Variants in GATD1 observed in about 807,000 individuals in gnomAD.
The protein encoded by GATD1 is glutamine amidotransferase-like class 1 domain-containing protein 1.
Under a neutral mutation model 25.9 loss-of-function variants are expected in GATD1, and 23 were observed. The observed-to-expected ratio is 0.89, with a 90% CI of 0.64 to 1.26. The LOEUF (loss-of-function observed/expected upper bound fraction) is 1.26, where lower values mean the gene tolerates loss of function less well. Among genes scored for constraint, GATD1 ranks in the 50% most tolerant of loss-of-function variants. The pLI is 0.00. For synonymous variants in GATD1, 177 were observed against 134.6 expected (o/e 1.31, Z -2.18); for missense variants, 347 against 312.5 (o/e 1.11, Z -0.83).
chr11:771,034 A>T lies in GATD1; in HGVS notation c.615T>A (p.Thr205=), dbSNP rs7930569. The change falls in exon 7 of 8, where the codon ACT becomes ACA. Residue 205 remains threonine (T), a synonymous_variant. Transcript: ENST00000319863. ...AGAGCAGGTTCTGCACGGCCGGGACAGTGGAGCTGGCATTCTGGCCTGTGA... is the reference window on the plus strand; with the variant it reads ...AGAGCAGGTTCTGCACGGCCGGGACTGTGGAGCTGGCATTCTGGCCTGTGA... ...HLVTGQNASS[T]VPAVQNLLFL... The T allele has an allele frequency of 1.2e-6, 2 of 1,612,048 alleles. No homozygotes were observed. The highest frequency in any genetic ancestry group is 4.5e-5 in the East Asian group (2 of 44,828).
At position 775,189 on chromosome 11, in the gene GATD1, C is replaced by T. The variant is rs773953245; in HGVS notation, c.65-47G>A. The T allele has an allele frequency of 8.1e-5, 123 of 1,521,226 alleles. 1 individual carries two copies. The Admixed American group carries it at 2.3e-3, about 29-fold the overall frequency. 94.2% of individuals were successfully genotyped at this position (1,521,226 alleles called of 1,614,324 possible). ...GTGGGCTCGACAGGACTAGCGTGCC[C>T]CGCCTCAGGGGGCTACCCAGACACC... is the stretch of plus-strand genomic sequence containing the variant. On this transcript the variant is annotated intron_variant, in intron 1 of 7. Transcript: ENST00000319863.
rs2133607855 is a variant in GATD1 at position 770,329 on chromosome 11, G to A, written c.*568C>T. 3.9e-6 allele frequency: 6 copies of A among 1,534,204 alleles called. No homozygotes were observed. The highest frequency in any genetic ancestry group is 2.4e-5 in the South Asian group (2 of 83,930). On this transcript the variant is annotated 3_prime_UTR_variant, in exon 8 of 8. Transcript: ENST00000319863. ...AGGTGCTTACACTTTGAAACCACAC[G>A]CCAGGAAGATTTCTTCAACAGGAAA...
chr11:770,539 C>T lies in GATD1; in HGVS notation c.*358G>A. ...GCAGGGCAAACCCACACAGAGGACC[C>T]CCGAGCCGACTCTGTCTAGTCAACA... On this transcript the variant is annotated 3_prime_UTR_variant, in exon 8 of 8. Coordinates refer to ENST00000319863, the MANE Select transcript of GATD1 (RefSeq NM_182612.4). 2 of 1,413,472 alleles carry T rather than the reference C, an allele frequency of 1.4e-6. No individual in the cohort carries two copies. The highest frequency in any genetic ancestry group is 1.8e-6 in the Non-Finnish European group (2 of 1,085,922). 87.6% of individuals were successfully genotyped at this position (1,413,472 alleles called of 1,614,324 possible).
chr11:772,674 T>C (rs1396361540), intron 4 of GATD1, 153 bp from the exon 5 acceptor site: 3 of 651,542 alleles, frequency 4.6e-6, no homozygotes, highest in Non-Finnish European at 8.2e-6. Flanking sequence ...AGCACCCGGG[T>C]GTCCTGGCTC....
chr11:777,363 G>A, intron 1 of GATD1, 36 bp downstream of exon 1: 2 of 1,271,720 alleles, frequency 1.6e-6, no homozygotes, highest in South Asian at 2.3e-5. Flanking sequence ...CCTCGCGGAC[G>A]CTCTTCGGAC....
In GATD1 at chr11:771,058, G is replaced by A. The variant is rs1863387237; in HGVS notation, c.591C>T (p.Val197=). Residue 197 remains valine, a synonymous_variant, in exon 7 of 8, where the codon GTC becomes GTT. Coordinates refer to ENST00000319863, the MANE Select transcript of GATD1 (RefSeq NM_182612.4). The part of the protein sequence containing the change: ...AVHVVLDRHL[V]TGQNASSTVP... ...CAGTGGAGCTGGCATTCTGGCCTGT[G>A]ACCAGGTGGCGGTCCAGCACGACGT... 1 of 1,612,042 alleles carries A rather than the reference G, an allele frequency of 6.2e-7. No homozygotes were observed. The highest frequency in any genetic ancestry group is 1.3e-5 in the African/African-American group (1 of 75,050).
At chr11:776,006 C>T (rs1163812517) in intron 1 of GATD1, among the ~76,000 whole-genome samples, 39 of 34,832 alleles carry the variant, frequency 1.1e-3, no homozygotes, top group African/African-American at 3.0e-3. Flanking sequence ...TTTTTTGAGA[C>T]GGAGTCTCGG....
At position 770,154 on chromosome 11, in the gene GATD1, G is replaced by A. The variant is rs1481134135; in HGVS notation, c.*743C>T. On this transcript the variant is annotated 3_prime_UTR_variant, in exon 8 of 8. Coordinates refer to ENST00000319863, the MANE Select transcript of GATD1 (RefSeq NM_182612.4). ...ACAGCCCAGGCCAGGTGCCCAGCAG[G>A]CTGGACCACTGTCTGCTCTTGATAG... The A allele has an allele frequency of 7.9e-7, 1 of 1,258,930 alleles. No individual in the cohort carries two copies. Among genetic ancestry groups the A allele is most frequent in the Non-Finnish European group, 1.0e-6 (1 of 1,000,902 alleles). The allele number at this position is 1,258,930 out of a possible 1,614,324, so 78.0% of individuals were successfully genotyped here.
rs1374663992 is a variant in GATD1 at position 770,106 on chromosome 11, AG to A, written c.*790del. On this transcript the variant is annotated 3_prime_UTR_variant, in exon 8 of 8. Transcript: ENST00000319863. ...CTCCTGGACGCCCTAACCTGGGGCCAGGGGGCAGCCCGCTGGAGGGCCACAG... is the reference window on the plus strand; with the variant it reads ...CTCCTGGACGCCCTAACCTGGGGCCAGGGGCAGCCCGCTGGAGGGCCACAG... The A allele has an allele frequency of 9.8e-6, 12 of 1,220,490 alleles. No homozygotes were observed. The highest frequency in any genetic ancestry group is 4.0e-5 in the South Asian group (1 of 24,968). 75.6% of individuals were successfully genotyped at this position (1,220,490 alleles called of 1,614,324 possible).
Position 771,354 on chromosome 11 carries a change from C to A in GATD1, c.523G>T (p.Asp175Tyr). 1 of 1,597,142 alleles carries A rather than the reference C, an allele frequency of 6.3e-7. No homozygotes were observed. The highest frequency in any genetic ancestry group is 8.5e-7 in the Non-Finnish European group (1 of 1,171,714). Reference protein sequence around the residue: ...LPLVVEDFVKDSGACFSASEP... With the variant: ...LPLVVEDFVKYSGACFSASEP... ...TCACCACTGAAGCAGGCGCCCGAAT[C>A]CTTCACGAAGTCCTCCACCACGAGC... Residue 175 changes from aspartate (D) to tyrosine (Y), a missense_variant, in exon 6 of 8, where the codon GAT becomes TAT. Coordinates refer to ENST00000319863, the MANE Select transcript of GATD1 (RefSeq NM_182612.4).
intron 3 of GATD1, 31 bp from the exon 4 acceptor site, chr11:773,660 C>T (rs1343611711): frequency 1.3e-6 from 2 of 1,534,826 alleles, no homozygotes; most frequent in Admixed American, 1.9e-5. Flanking sequence ...AGGTAGCAGC[C>T]ACATGTCAAA....
At chr11:772,542 T>C in intron 4 of GATD1, 21 bp from the exon 5 acceptor site, 1 of 1,604,436 alleles carries the variant, frequency 6.2e-7, no homozygotes, top group Non-Finnish European at 8.5e-7. Context: ...TACATGGCGT[T>C]GAGGCCCTGG....
At chr11:773,695 C>A in intron 3 of GATD1, 66 bp from the exon 4 acceptor site, 1 of 1,254,448 alleles carries the variant, frequency 8.0e-7, no homozygotes, top group South Asian at 1.3e-5. Flanking sequence ...AGGACCAGGC[C>A]CGAGTGCGTG....
rs1423438307 is a variant in GATD1, at chr11:767,606, T to C, written c.*3291A>G. 6.5e-6 allele frequency: 9 copies of C among 1,387,364 alleles called. No homozygotes were observed. The highest frequency in any genetic ancestry group is 6.5e-6 in the Non-Finnish European group (7 of 1,073,688). The allele number at this position is 1,387,364 out of a possible 1,614,324, so 85.9% of individuals were successfully genotyped here. On this transcript the variant is annotated 3_prime_UTR_variant, in exon 8 of 8. Coordinates refer to ENST00000319863, the MANE Select transcript of GATD1 (RefSeq NM_182612.4). ...CTCAATGAGGCTCACTGGCTCTTCA[T>C]GCACCCTGCTGTGGCCTGAGCACGT... is the stretch of plus-strand genomic sequence containing the variant.
chr11:771,430 C>A lies in GATD1; in HGVS notation c.451-4G>T. On this transcript the variant is annotated splice_region_variant and splice_polypyrimidine_tract_variant and intron_variant, in intron 5 of 7. Coordinates refer to ENST00000319863, the MANE Select transcript of GATD1 (RefSeq NM_182612.4). ...TGACGAGCTCACACACAGAGGGCTGCGGGAGCGGGGTGGGGGCTCCTGAGA... is the reference window on the plus strand; with the variant it reads ...TGACGAGCTCACACACAGAGGGCTGAGGGAGCGGGGTGGGGGCTCCTGAGA... The A allele has an allele frequency of 6.6e-7, 1 of 1,524,936 alleles. No homozygotes were observed. The highest frequency in any genetic ancestry group is 1.4e-5 in the African/African-American group (1 of 72,198). The allele number at this position is 1,524,936 out of a possible 1,614,324, so 94.5% of individuals were successfully genotyped here. A position where few individuals can be genotyped will look rare whatever the true frequency, so the allele number is the denominator to read the frequency against.
chr11:774,516 A>C (rs1279381534), intron 2 of GATD1, among the ~76,000 whole-genome samples: 2 of 152,232 alleles, frequency 1.3e-5, no homozygotes, highest in Non-Finnish European at 2.9e-5. Flanking sequence ...ACACGTGCAG[A>C]AGCACAGACC....
chr11:772,620 G>A (rs1171711387), intron 4 of GATD1, 99 bp from the exon 5 acceptor site: 15 of 1,078,704 alleles, frequency 1.4e-5, no homozygotes, highest in South Asian at 2.6e-5. Context: ...GGCTTGTGCC[G>A]CCTGCCTGGC....
At chr11:773,356 G>A (rs1863636812) in intron 4 of GATD1, 166 bp downstream of exon 4, 1 of 615,118 alleles carries the variant, frequency 1.6e-6, no homozygotes, top group Non-Finnish European at 2.9e-6. Context: ...GTGTGTCGGG[G>A]GAAGGGGCAG....
chr11:767,503 C>A lies in GATD1; in HGVS notation c.*3394G>T, dbSNP rs1253834395. The A allele has an allele frequency of 1.4e-6, 2 of 1,429,474 alleles. No individual in the cohort carries two copies. Among genetic ancestry groups the A allele is most frequent in the Admixed American group, 6.0e-5 (2 of 33,188 alleles). The allele number at this position is 1,429,474 out of a possible 1,614,324, so 88.5% of individuals were successfully genotyped here. On this transcript the variant is annotated 3_prime_UTR_variant, in exon 8 of 8. Transcript: ENST00000319863. ...AGGTCTGTGGGGCCCCGCGTCAGAA[C>A]CCACTTCACATCCCAAAGCCCCACC...
Sources: gnomAD v4.1 joint callset for allele counts (sites outside exome capture counted in the v4.1 genomes callset) on GRCh38, gnomAD v4.1.1 for gene constraint, MANE v1.5 for transcripts, NCBI Gene and HGNC (gene_info 2026-07-23, HGNC 2026-07-21) for gene names.